ZCWPW2: variants seen among roughly 807,000 people sequenced by gnomAD.
ZCWPW2 encodes zinc finger CW-type PWWP domain protein 2.
ZCWPW2 carries 45 observed loss-of-function variants against 46.6 expected under a neutral mutation model. The ratio of observed to expected loss-of-function variants is 0.96; its 90% CI spans 0.76 to 1.24. The LOEUF is 1.24. Among genes scored for constraint, ZCWPW2 ranks in the 50% most tolerant of loss-of-function variants. The probability of loss-of-function intolerance (pLI) is 0.00; values close to 1 mark genes in which losing one functional copy is unlikely to be tolerated. For synonymous variants in ZCWPW2, 152 were observed against 137.1 expected, an observed-to-expected ratio of 1.11 and a Z score of -0.76; for missense variants, 429 against 403.9, an observed-to-expected ratio of 1.06 and a Z score of -0.53.
intron 1 of ZCWPW2, among the ~76,000 whole-genome samples, chr3:28,352,827 TGAGG>T (rs1704607711): frequency 6.6e-6 from 1 of 152,132 alleles, no homozygotes; most frequent in Non-Finnish European, 1.5e-5. Context: ...TATGGCCTAA[TGAGG>T]GAGGGGGCAG....
chr3:28,518,396 A>G (rs1700635937), intron 8 of ZCWPW2, among the ~76,000 whole-genome samples: 1 of 152,196 alleles, frequency 6.6e-6, no homozygotes, highest in Non-Finnish European at 1.5e-5. Flanking sequence ...ACCAATTTTG[A>G]TAACATAGTT....
intron 5 of ZCWPW2, among the ~76,000 whole-genome samples, chr3:28,483,222 C>T (rs1699490007): frequency 6.6e-6 from 1 of 152,114 alleles, no homozygotes; most frequent in Admixed American, 6.6e-5. Flanking sequence ...CCAGTTGTTC[C>T]TGCACCACTG....
chr3:28,409,670 C>A lies in ZCWPW2; in HGVS notation c.-13-3386C>A, dbSNP rs534991664. 3.9e-5 allele frequency among the ~76,000 whole-genome samples: 6 copies of A among 152,006 alleles called. No homozygotes were observed. In the South Asian group the frequency reaches 1.2e-3, roughly 32 times the overall value. Reference sequence around the variant, plus strand: ...AGGTAGAGATATTGATTAATTTATACCTTGTTAAATCATGTATTAAGAGTA... The same window carrying A: ...AGGTAGAGATATTGATTAATTTATAACTTGTTAAATCATGTATTAAGAGTA... On this transcript the variant is annotated intron_variant, in intron 2 of 9. Transcript: ENST00000383768.
intron 3 of ZCWPW2, among the ~76,000 whole-genome samples, chr3:28,426,982 T>C (rs974864287): frequency 6.6e-6 from 1 of 152,206 alleles, no homozygotes; most frequent in Admixed American, 6.5e-5. Flanking sequence ...TACATTTGCA[T>C]TCCCTTGAGC....
At chr3:28,424,385 G>A (rs1696920116) in intron 3 of ZCWPW2, among the ~76,000 whole-genome samples, 1 of 152,080 alleles carries the variant, frequency 6.6e-6, no homozygotes, top group Non-Finnish European at 1.5e-5. Context: ...GCCTCAGAAT[G>A]TGACCATATT....
chr3:28,413,143 T>C lies in ZCWPW2; in HGVS notation c.75T>C (p.Tyr25=), dbSNP rs1269891279. 1.4e-5 allele frequency: 22 copies of C among 1,613,114 alleles called. No homozygotes were observed. Among genetic ancestry groups the C allele is most frequent in the Non-Finnish European group, 1.8e-5 (21 of 1,179,482 alleles). Residue 25 remains tyrosine (Y), a synonymous_variant, in exon 3 of 10, where the codon TAT becomes TAC. Coordinates refer to ENST00000383768, the MANE Select transcript of ZCWPW2 (RefSeq NM_001040432.4). ...YAMDSSVENM[Y]VNKVWVQCEN... ...TGGATTCCTCAGTGGAAAACATGTA[T>C]GTAAACAAAGTGTGGGTTCAATGTG...
intron 5 of ZCWPW2, among the ~76,000 whole-genome samples, chr3:28,486,971 G>A (rs1699619807): frequency 1.3e-5 from 2 of 151,552 alleles, no homozygotes; most frequent in South Asian, 4.2e-4. Flanking sequence ...CATGGTTTTT[G>A]AGGAAAAGTT....
In ZCWPW2 at chr3:28,406,490, G is replaced by C. The variant is rs149873508; in HGVS notation, c.-13-6566G>C. On this transcript the variant is annotated intron_variant, in intron 2 of 9. Coordinates refer to ENST00000383768, the MANE Select transcript of ZCWPW2 (RefSeq NM_001040432.4). ...TTAAATTATCAAGTCTATTCATGTA[G>C]AGGCAATGACAACTACATCATGACT... is the stretch of plus-strand genomic sequence containing the variant. 2.5e-3 allele frequency among the ~76,000 whole-genome samples: 387 copies of C among 152,286 alleles called. 1 individual carries two copies. The highest frequency in any genetic ancestry group is 8.4e-3 in the African/African-American group (351 of 41,560).
chr3:28,431,029 T>C (rs1697232799), intron 3 of ZCWPW2, among the ~76,000 whole-genome samples: 1 of 152,176 alleles, frequency 6.6e-6, no homozygotes, highest in Non-Finnish European at 1.5e-5. Context: ...TGCATAGATT[T>C]ATTTTATAAC....
chr3:28,425,159 C>CA (rs1313532835), intron 3 of ZCWPW2, among the ~76,000 whole-genome samples: 1 of 152,142 alleles, frequency 6.6e-6, no homozygotes, highest in Non-Finnish European at 1.5e-5. Context: ...CCCAGTACCT[C>CA]AATTATCTCT....
chr3:28,470,434 C>T (rs1424163665), intron 4 of ZCWPW2, among the ~76,000 whole-genome samples: 1 of 147,254 alleles, frequency 6.8e-6, no homozygotes, highest in East Asian at 2.0e-4. Context: ...TCAGAGGTTG[C>T]AGTGAGCCGA....
chr3:28,435,547 G>A (rs758920570), intron 4 of ZCWPW2, among the ~76,000 whole-genome samples: 3 of 147,626 alleles, frequency 2.0e-5, no homozygotes, highest in Non-Finnish European at 3.0e-5. Context: ...GTGCAATGGC[G>A]CGATCTCGGC....
At chr3:28,385,392 C>G (rs1408998533) in intron 1 of ZCWPW2, among the ~76,000 whole-genome samples, 1 of 152,146 alleles carries the variant, frequency 6.6e-6, no homozygotes, top group Admixed American at 6.5e-5. Flanking sequence ...GAAATACCAC[C>G]TCATCCCCTG....
In ZCWPW2 at chr3:28,431,200, T is replaced by C. The variant is rs115579991; in HGVS notation, c.333-3910T>C. ...CTAAACAATTTAGTTTACAAATAGT[T>C]ACCTTAATGAAGCAAATATATCTTT... On this transcript the variant is annotated intron_variant, in intron 3 of 9. Coordinates refer to ENST00000383768, the MANE Select transcript of ZCWPW2 (RefSeq NM_001040432.4). 6.8e-3 allele frequency among the ~76,000 whole-genome samples: 1,042 copies of C among 152,328 alleles called. 10 individuals carry two copies. Among genetic ancestry groups the C allele is most frequent in the African/African-American group, 0.023 (945 of 41,572 alleles).
intron 2 of ZCWPW2, among the ~76,000 whole-genome samples, chr3:28,395,737 C>A (rs1360426019): frequency 1.3e-5 from 2 of 151,912 alleles, no homozygotes; most frequent in African/African-American, 4.8e-5. Flanking sequence ...AGGGTGGTTA[C>A]CGGAGGGCTT....
intron 1 of ZCWPW2, among the ~76,000 whole-genome samples, chr3:28,360,739 A>G (rs1333671864): frequency 1.3e-5 from 2 of 152,160 alleles, no homozygotes; most frequent in African/African-American, 4.8e-5. Flanking sequence ...GCTATTATCA[A>G]AAAAACAAAA....
chr3:28,363,814 C>T (rs1019993965), intron 1 of ZCWPW2, among the ~76,000 whole-genome samples: 2 of 152,126 alleles, frequency 1.3e-5, no homozygotes, highest in African/African-American at 4.8e-5. Flanking sequence ...CACAATTAAA[C>T]TTCTTGCTCA....
chr3:28,507,491 CT>C (rs397941054), intron 6 of ZCWPW2, among the ~76,000 whole-genome samples: 238 of 143,410 alleles, frequency 1.7e-3, no homozygotes, highest in Admixed American at 1.5e-3. Context: ...TATCAATATT[CT>C]TTTTTTTTTT....
At chr3:28,434,564 G>A (rs1697405975) in intron 3 of ZCWPW2, among the ~76,000 whole-genome samples, 1 of 152,150 alleles carries the variant, frequency 6.6e-6, no homozygotes, top group South Asian at 2.1e-4. Context: ...GATGGAGGAA[G>A]GAGACAGGAT....
Sources: gnomAD v4.1 joint callset for allele counts (sites outside exome capture counted in the v4.1 genomes callset) on GRCh38, gnomAD v4.1.1 for gene constraint, MANE v1.5 for transcripts, NCBI Gene and HGNC (gene_info 2026-07-23, HGNC 2026-07-21) for gene names.